The following NFATC3 variants were observed in gnomAD, a reference collection of about 807,000 sequenced individuals.
NFATC3 encodes nuclear factor of activated T-cells, cytoplasmic 3.
In NFATC3, 46 loss-of-function variants were observed where a neutral mutation model predicts 98.6. The observed-to-expected ratio is 0.47, with a 90% CI of 0.37 to 0.60. The LOEUF (loss-of-function observed/expected upper bound fraction) is 0.60. Ranked by LOEUF, NFATC3 falls within the 20% of genes least tolerant of loss-of-function variation. NFATC3 has a pLI of 0.00. For synonymous variants in NFATC3, 512 were observed against 472.2 expected (o/e 1.08, Z -1.09); for missense variants, 1,256 against 1,295.5 (o/e 0.97, Z 0.47).
Position 68,128,460 on chromosome 16 carries a change from A to G in NFATC3, c.1401+1850A>G, listed in dbSNP as rs1452562928. ...AAGCAGATTTATTGCTTAGTTTTCTATATCTTTTAGTTTTCATAGCAATCA... is the reference window on the plus strand; with the variant it reads ...AAGCAGATTTATTGCTTAGTTTTCTGTATCTTTTAGTTTTCATAGCAATCA... On this transcript the variant is annotated intron_variant, in intron 3 of 9. Transcript: ENST00000346183. Among the ~76,000 whole-genome samples, 4 of 152,152 alleles carry G rather than the reference A, an allele frequency of 2.6e-5. No individual in the cohort carries two copies. In the South Asian group the frequency reaches 8.3e-4, roughly 32 times the overall value.
intron 1 of NFATC3, among the ~76,000 whole-genome samples, chr16:68,118,504 C>T (rs535970432): frequency 4.1e-4 from 63 of 152,146 alleles, no homozygotes; most frequent in Non-Finnish European, 4.9e-4. Flanking sequence ...GGTTATTGTT[C>T]CATTTCACTG....
chr16:68,133,672 A>G (rs2037234622), intron 3 of NFATC3, among the ~76,000 whole-genome samples: 2 of 152,276 alleles, frequency 1.3e-5, no homozygotes, highest in South Asian at 2.1e-4. Context: ...TGCATTTTAT[A>G]TAAATGGATG....
rs569835467 is a variant in NFATC3, at chr16:68,138,724, G to C, written c.1401+12114G>C. ...TACTGGGAAAAGTAGTCCCTGGCTG[G>C]GCAGCCTTTCCTCATCAAAACTCTG... On this transcript the variant is annotated intron_variant, in intron 3 of 9. Transcript: ENST00000346183. The C allele has an allele frequency of 7.8e-6, 10 of 1,288,878 alleles. No homozygotes were observed. In the Admixed American group the frequency reaches 2.1e-4, roughly 27 times the overall value. 79.8% of individuals were successfully genotyped at this position (1,288,878 alleles called of 1,614,324 possible). A position where few individuals can be genotyped will look rare whatever the true frequency, so the allele number is the denominator to read the frequency against.
intron 9 of NFATC3, among the ~76,000 whole-genome samples, chr16:68,208,860 G>A (rs2041258131): frequency 6.6e-6 from 1 of 152,086 alleles, no homozygotes; most frequent in Non-Finnish European, 1.5e-5. Context: ...TTATTTGTTA[G>A]TGCTAACATT....
At chr16:68,173,181 G>T (rs1429553698) in intron 5 of NFATC3, among the ~76,000 whole-genome samples, 1 of 152,102 alleles carries the variant, frequency 6.6e-6, no homozygotes, top group East Asian at 1.9e-4. Context: ...AGTATTGCTT[G>T]AGCCCAGGAG....
chr16:68,158,207 C>T, intron 4 of NFATC3, 139 bp downstream of exon 4: 1 of 595,662 alleles, frequency 1.7e-6, no homozygotes, highest in Non-Finnish European at 2.8e-6. Flanking sequence ...AGTACATTTT[C>T]TAAGAGTGGT....
intron 3 of NFATC3, among the ~76,000 whole-genome samples, chr16:68,133,462 G>A (rs1598418463): frequency 6.6e-6 from 1 of 152,160 alleles, no homozygotes; most frequent in East Asian, 1.9e-4. Flanking sequence ...TATCAATAAA[G>A]TATACAAACC....
intron 1 of NFATC3, among the ~76,000 whole-genome samples, chr16:68,098,301 T>TTA (rs1491411089): frequency 1.2e-5 from 1 of 86,086 alleles, no homozygotes; most frequent in Admixed American, 1.1e-4. Flanking sequence ...ATTATTATTA[T>TTA]TTTTTTTTTT....
At position 68,226,659 on chromosome 16, in the gene NFATC3, C is replaced by CT; in HGVS notation, c.*189dup. 2.0e-6 allele frequency: 1 copy of CT among 505,898 alleles called. No homozygotes were observed. The highest frequency in any genetic ancestry group is 3.3e-5 in the East Asian group (1 of 30,084). The allele number at this position is 505,898 out of a possible 1,614,324, so 31.3% of individuals were successfully genotyped here. On this transcript the variant is annotated 3_prime_UTR_variant, in exon 10 of 10. Coordinates refer to ENST00000346183, the MANE Select transcript of NFATC3 (RefSeq NM_173165.3). ...GGCAAAAGAACAGGAGCAGCATAGG[C>CT]TGTTTGAGCTTTGGGGAAATGAACT...
At chr16:68,205,777 A>T (rs972026035) in intron 9 of NFATC3, among the ~76,000 whole-genome samples, 1 of 152,198 alleles carries the variant, frequency 6.6e-6, no homozygotes, top group African/African-American at 2.4e-5. Flanking sequence ...TGTAATATAG[A>T]ATCTTGAGAG....
chr16:68,145,074 G>A (rs2037968630), intron 3 of NFATC3, among the ~76,000 whole-genome samples: 1 of 151,786 alleles, frequency 6.6e-6, no homozygotes. Context: ...TCCCTGCCGT[G>A]GGATCACAAG....
chr16:68,170,761 G>A (rs2039422424), intron 5 of NFATC3, among the ~76,000 whole-genome samples: 1 of 152,092 alleles, frequency 6.6e-6, no homozygotes, highest in African/African-American at 2.4e-5. Context: ...CCAAAGTGCT[G>A]GGATTACAGG....
chr16:68,151,450 C>G (rs1444493226), intron 3 of NFATC3, among the ~76,000 whole-genome samples: 1 of 152,008 alleles, frequency 6.6e-6, no homozygotes, highest in Non-Finnish European at 1.5e-5. Flanking sequence ...AAGTTGTACT[C>G]ATGAAAAATT....
At chr16:68,196,470 G>GACT (rs2151125008) in intron 9 of NFATC3, among the ~76,000 whole-genome samples, 1 of 152,216 alleles carries the variant, frequency 6.6e-6, no homozygotes, top group South Asian at 2.1e-4. Flanking sequence ...TATGATATTT[G>GACT]GATTTGCCTT....
At chr16:68,199,033 C>T (rs779817323) in intron 9 of NFATC3, among the ~76,000 whole-genome samples, 6 of 151,288 alleles carry the variant, frequency 4.0e-5, no homozygotes, top group Non-Finnish European at 8.8e-5. Context: ...GGCAACAGAG[C>T]GAGACTCCAT....
intron 3 of NFATC3, among the ~76,000 whole-genome samples, chr16:68,128,022 A>C (rs2036930821): frequency 6.6e-6 from 1 of 151,906 alleles, no homozygotes; most frequent in African/African-American, 2.4e-5. Flanking sequence ...TTATGTAAGG[A>C]GGGCTTTGGA....
At chr16:68,182,071 C>G (rs1197315837) in intron 7 of NFATC3, among the ~76,000 whole-genome samples, 1 of 152,088 alleles carries the variant, frequency 6.6e-6, no homozygotes, top group Non-Finnish European at 1.5e-5. Context: ...AATGAAAGAT[C>G]ATCAGAAGGT....
chr16:68,103,495 C>T (rs1267186418), intron 1 of NFATC3, among the ~76,000 whole-genome samples: 1 of 152,230 alleles, frequency 6.6e-6, no homozygotes, highest in Admixed American at 6.5e-5. Context: ...CAGGCATGAG[C>T]CACTGGGCTT....
intron 2 of NFATC3, 101 bp downstream of exon 2, chr16:68,123,222 C>A: frequency 8.2e-7 from 1 of 1,219,884 alleles, no homozygotes; most frequent in Non-Finnish European, 1.1e-6. Flanking sequence ...AATGGTTTGA[C>A]CATTTCTCCT....
Sources: gnomAD v4.1 joint callset for allele counts (sites outside exome capture counted in the v4.1 genomes callset) on GRCh38, gnomAD v4.1.1 for gene constraint, MANE v1.5 for transcripts, NCBI Gene and HGNC (gene_info 2026-07-23, HGNC 2026-07-21) for gene names.